CTNNA3: variants seen among roughly 807,000 people sequenced by gnomAD.
CTNNA3 encodes the protein catenin alpha 3.
A neutral mutation model predicts 95.7 loss-of-function variants in CTNNA3; 76 were observed. The observed-to-expected ratio is 0.79, with a 90% CI of 0.66 to 0.96. CTNNA3 has a LOEUF of 0.96. CTNNA3 is among the 40% of genes least tolerant of loss of function. The pLI, the probability that CTNNA3 is intolerant of heterozygous loss-of-function variation, is 0.00. For synonymous variants in CTNNA3, 431 were observed against 374.4 expected, an observed-to-expected ratio of 1.15 and a Z score of -1.74; for missense variants, 1,191 against 1,089.8, an observed-to-expected ratio of 1.09 and a Z score of -1.31.
chr10:67,677,773 C>A (rs1474407430), intron 1 of CTNNA3, among the ~76,000 whole-genome samples: 1 of 152,036 alleles, frequency 6.6e-6, no homozygotes, highest in Non-Finnish European at 1.5e-5. Context: ...TATGAGAAAG[C>A]CCCAAAAGAG....
At chr10:66,958,529 G>A (rs1472480229) in intron 7 of CTNNA3, among the ~76,000 whole-genome samples, 1 of 152,010 alleles carries the variant, frequency 6.6e-6, no homozygotes, top group Non-Finnish European at 1.5e-5. Flanking sequence ...ATGTGCAGCT[G>A]GGTTCAGAAT....
At chr10:67,006,105 C>T (rs761670973) in intron 7 of CTNNA3, among the ~76,000 whole-genome samples, 1 of 152,092 alleles carries the variant, frequency 6.6e-6, no homozygotes, top group Non-Finnish European at 1.5e-5. Flanking sequence ...ACTTTACAAA[C>T]AACTTTGCAA....
chr10:65,966,620 T>C lies in CTNNA3; in HGVS notation c.2392A>G (p.Met798Val), dbSNP rs1452042848. Residue 798 changes from methionine to valine, a missense_variant, in exon 17 of 18, where the codon ATG becomes GTG. Coordinates refer to ENST00000433211, the MANE Select transcript of CTNNA3 (RefSeq NM_013266.4). ...EIQNLGGELI[M>V]SALDSVTSLI... ...TGCTAGGCAGTACTCACAGCTGACA[T>C]GATGAGCTCTCCTCCCAGGTTCTGG... 4 of 1,613,514 alleles carry C rather than the reference T, an allele frequency of 2.5e-6. No individual in the cohort carries two copies. The African/African-American group carries it at 4.0e-5, about 16-fold the overall frequency.
chr10:66,234,226 TA>T (rs1350960041), intron 13 of CTNNA3, among the ~76,000 whole-genome samples: 1 of 152,174 alleles, frequency 6.6e-6, no homozygotes, highest in African/African-American at 2.4e-5. Flanking sequence ...CACTTCTTTT[TA>T]CATATGTTAC....
chr10:67,345,648 T>C (rs1053404948), intron 5 of CTNNA3, among the ~76,000 whole-genome samples: 6 of 152,166 alleles, frequency 3.9e-5, no homozygotes, highest in African/African-American at 1.4e-4. Context: ...TATCTACTTC[T>C]GCTCTTTTTT....
intron 7 of CTNNA3, among the ~76,000 whole-genome samples, chr10:66,817,612 A>C (rs1189346935): frequency 6.6e-6 from 1 of 152,070 alleles, no homozygotes; most frequent in Non-Finnish European, 1.5e-5. Context: ...AGGGAGCAAC[A>C]GGCAAATGAA....
intron 5 of CTNNA3, among the ~76,000 whole-genome samples, chr10:67,424,358 A>AG (rs1845842590): frequency 6.6e-6 from 1 of 152,170 alleles, no homozygotes; most frequent in Non-Finnish European, 1.5e-5. Context: ...CAGATATGAC[A>AG]GAAACTGCTG....
At chr10:67,759,020 C>T (rs994463040) in intron 1 of CTNNA3, among the ~76,000 whole-genome samples, 1 of 151,980 alleles carries the variant, frequency 6.6e-6, no homozygotes, top group East Asian at 1.9e-4. Context: ...TAGGAAAATC[C>T]TGTAAGTACT....
intron 6 of CTNNA3, among the ~76,000 whole-genome samples, chr10:67,185,991 A>T (rs1862825726): frequency 6.7e-6 from 1 of 150,274 alleles, no homozygotes; most frequent in Admixed American, 6.8e-5. Context: ...ACACCAGTGT[A>T]CTCCAGCCTA....
chr10:66,493,599 A>ATTTTTTTTTTTTTTTTTTTTTT (rs528761424), intron 11 of CTNNA3, among the ~76,000 whole-genome samples: 5 of 112,020 alleles, frequency 4.5e-5, no homozygotes, highest in East Asian at 7.5e-4. Flanking sequence ...TAACTACAGT[A>ATTTTTTTTTTTTTTTTTTTTTT]TTTTTTTTTT....
intron 13 of CTNNA3, among the ~76,000 whole-genome samples, chr10:66,198,176 C>T (rs1055332019): frequency 1.3e-5 from 2 of 152,202 alleles, no homozygotes; most frequent in Admixed American, 6.5e-5. Flanking sequence ...ATTGCTCAAA[C>T]ATTTTTTCAA....
intron 5 of CTNNA3, among the ~76,000 whole-genome samples, chr10:67,343,239 C>A (rs1299740692): frequency 6.6e-6 from 1 of 152,188 alleles, no homozygotes; most frequent in Non-Finnish European, 1.5e-5. Context: ...GTGTGAGGCA[C>A]CGCGCCCAGC....
intron 5 of CTNNA3, among the ~76,000 whole-genome samples, chr10:67,276,434 T>C (rs572081345): frequency 6.6e-6 from 1 of 152,180 alleles, no homozygotes; most frequent in African/African-American, 2.4e-5. Flanking sequence ...TAAGTATTTA[T>C]GGGCAAAGAT....
chr10:66,505,280 T>C (rs1373363196), intron 11 of CTNNA3, among the ~76,000 whole-genome samples: 3 of 152,166 alleles, frequency 2.0e-5, no homozygotes, highest in Admixed American at 2.0e-4. Context: ...CAGGCAGTAA[T>C]TCAAAACATA....
At chr10:66,794,545 A>G (rs1000158357) in intron 7 of CTNNA3, among the ~76,000 whole-genome samples, 1 of 152,136 alleles carries the variant, frequency 6.6e-6, no homozygotes. Flanking sequence ...GCCTTCAGCA[A>G]GTCAAAACCT....
chr10:66,243,063 T>C (rs547737289), intron 13 of CTNNA3, among the ~76,000 whole-genome samples: 6 of 151,516 alleles, frequency 4.0e-5, no homozygotes, highest in African/African-American at 1.4e-4. Flanking sequence ...GGGTCAGACA[T>C]ATCTCATTAT....
At chr10:66,710,486 G>A (rs1369656686) in intron 9 of CTNNA3, among the ~76,000 whole-genome samples, 2 of 151,636 alleles carry the variant, frequency 1.3e-5, no homozygotes, top group Non-Finnish European at 1.5e-5. Context: ...TGATGGAATG[G>A]CCTAGATTGT....
intron 14 of CTNNA3, among the ~76,000 whole-genome samples, chr10:66,078,628 A>G (rs956370457): frequency 1.3e-5 from 2 of 151,866 alleles, no homozygotes; most frequent in African/African-American, 4.8e-5. Context: ...ATAAACTATA[A>G]CTAAGCCATA....
chr10:66,230,607 C>A, intron 13 of CTNNA3, among the ~76,000 whole-genome samples: 1 of 152,078 alleles, frequency 6.6e-6, no homozygotes. Flanking sequence ...AGTCACGTTG[C>A]CTGTGGAGGG....
Sources: allele counts gnomAD v4.1 joint callset (sites outside exome capture counted in the v4.1 genomes callset), GRCh38; gene constraint gnomAD v4.1.1; transcripts MANE v1.5; gene names NCBI Gene and HGNC (gene_info 2026-07-23, HGNC 2026-07-21).